HOMER2: variants seen among roughly 807,000 people sequenced by gnomAD.
The protein encoded by HOMER2 is homer protein homolog 2.
Under a neutral mutation model 47.0 loss-of-function variants are expected in HOMER2, and 27 were observed. The ratio of observed to expected loss-of-function variants is 0.57; its 90% confidence interval spans 0.42 to 0.79. The LOEUF (loss-of-function observed/expected upper bound fraction) is 0.79. Ranked by LOEUF, HOMER2 falls within the 30% of genes least tolerant of loss-of-function variation. The pLI, the probability that HOMER2 is intolerant of heterozygous loss-of-function variation, is 0.00. For synonymous variants in HOMER2, 161 were observed against 163.8 expected (o/e 0.98, Z 0.13); for missense variants, 443 against 435.0 (o/e 1.02, Z -0.16).
intron 1 of HOMER2, among the ~76,000 whole-genome samples, chr15:82,941,990 T>C (rs2151219826): frequency 6.6e-6 from 1 of 152,310 alleles, no homozygotes; most frequent in East Asian, 1.9e-4. Flanking sequence ...CCAAGGTCCC[T>C]GTTCTTGACC....
exon 2 of HOMER2, chr15:82,842,769 T>C (rs537777917): frequency 2.0e-5 from 3 of 152,282 alleles, no homozygotes; most frequent in Non-Finnish European, 4.4e-5. Flanking sequence ...AGGGTGCTTA[T>C]CCTGGCACCC....
chr15:82,895,436 T>C (rs2052877616), intron 1 of HOMER2, among the ~76,000 whole-genome samples: 1 of 152,240 alleles, frequency 6.6e-6, no homozygotes, highest in Non-Finnish European at 1.5e-5. Context: ...CCATGTGATA[T>C]AATCCAGTCT....
At chr15:82,974,722 A>G (rs928626368) in intron 1 of HOMER2, among the ~76,000 whole-genome samples, 2 of 152,206 alleles carry the variant, frequency 1.3e-5, no homozygotes, top group East Asian at 3.9e-4. Flanking sequence ...AGAGTATTCT[A>G]CAAGAGAATT....
intron 1 of HOMER2, among the ~76,000 whole-genome samples, chr15:82,976,751 C>T (rs1272147785): frequency 7.2e-6 from 1 of 139,690 alleles, no homozygotes; most frequent in Admixed American, 7.6e-5. Flanking sequence ...GTGATCTTGG[C>T]TTACTGCAAC....
At chr15:82,955,161 TTTTC>T (rs1263218619), upstream of HOMER2, among the ~76,000 whole-genome samples, 78 of 150,206 alleles carry the variant, frequency 5.2e-4, no homozygotes, top group South Asian at 1.5e-3. Context: ...TTTACTTTCT[TTTTC>T]TTTTTCTTTT....
chr15:82,914,133 G>A (rs911048294), intron 1 of HOMER2, among the ~76,000 whole-genome samples: 5 of 151,334 alleles, frequency 3.3e-5, no homozygotes, highest in African/African-American at 1.2e-4. Context: ...TCAGGAGATC[G>A]AGACCATCCT....
chr15:82,896,729 T>C (rs1390875761), intron 1 of HOMER2, among the ~76,000 whole-genome samples: 1 of 152,122 alleles, frequency 6.6e-6, no homozygotes, highest in East Asian at 1.9e-4. Context: ...CAGGGGAGGA[T>C]TGCACGGCCA....
intron 1 of HOMER2, among the ~76,000 whole-genome samples, chr15:82,917,106 C>G (rs540403319): frequency 1.3e-5 from 2 of 152,164 alleles, no homozygotes; most frequent in Non-Finnish European, 2.9e-5. Context: ...GGCCCAGAGC[C>G]CTCATTTTAC....
intron 6 of HOMER2, chr15:82,852,858 C>A (rs2051443025): frequency 6.6e-6 from 1 of 152,570 alleles, no homozygotes; most frequent in East Asian, 1.9e-4. Flanking sequence ...AATGGCAAAT[C>A]CCTACACCGC....
At chr15:82,847,864 G>A (rs1400188706), downstream of HOMER2, among the ~76,000 whole-genome samples, 1 of 152,090 alleles carries the variant, frequency 6.6e-6, no homozygotes, top group Admixed American at 6.5e-5. Flanking sequence ...TAGCCAGCTC[G>A]GCTCTCTGGT....
rs140936894 is a variant in HOMER2, at chr15:82,859,969, C to T, written c.388-834G>A. Among the ~76,000 whole-genome samples the T allele has an allele frequency of 6.8e-3, 1,034 of 152,174 alleles. 11 individuals carry two copies. Among genetic ancestry groups the T allele is most frequent in the Non-Finnish European group, 0.01 (703 of 68,012 alleles). ...TACATATGAAAAACAAAATGTCGGCCGGGCGCGGTGGCTCACACCTGTAAT... is the reference window on the plus strand; with the variant it reads ...TACATATGAAAAACAAAATGTCGGCTGGGCGCGGTGGCTCACACCTGTAAT... On this transcript the variant is annotated intron_variant, in intron 4 of 8. Transcript: ENST00000450735.
At chr15:82,871,831 G>A (rs2052184552) in intron 3 of HOMER2, among the ~76,000 whole-genome samples, 1 of 152,232 alleles carries the variant, frequency 6.6e-6, no homozygotes, top group African/African-American at 2.4e-5. Flanking sequence ...CTTGGACAAT[G>A]TGTTCTGGTT....
At chr15:82,985,807 G>T (rs1313294975) in exon 1 of HOMER2, 2 of 152,348 alleles carry the variant, frequency 1.3e-5, no homozygotes, top group Non-Finnish European at 2.9e-5. Flanking sequence ...CCAGGCAGGA[G>T]AGAAAGGTGT....
chr15:82,893,335 T>A, intron 1 of HOMER2, among the ~76,000 whole-genome samples: 1 of 148,936 alleles, frequency 6.7e-6, no homozygotes, highest in African/African-American at 2.5e-5. Context: ...TTATCTTTTT[T>A]TTTTTTTTTT....
intron 3 of HOMER2, among the ~76,000 whole-genome samples, chr15:82,874,449 C>A (rs2052278591): frequency 6.6e-6 from 1 of 152,192 alleles, no homozygotes; most frequent in Non-Finnish European, 1.5e-5. Flanking sequence ...AGGCTCTCAG[C>A]CCCTTTAAAC....
chr15:82,957,279 C>CAAAA (rs35127526), upstream of HOMER2, among the ~76,000 whole-genome samples: 1 of 72,788 alleles, frequency 1.4e-5, no homozygotes, highest in Non-Finnish European at 2.9e-5. Context: ...GACTCCGTCT[C>CAAAA]AAAAAAAAAA....
chr15:82,877,077 A>C (rs1404431004), intron 2 of HOMER2, among the ~76,000 whole-genome samples: 3 of 152,230 alleles, frequency 2.0e-5, no homozygotes, highest in Admixed American at 2.0e-4. Flanking sequence ...TGCCTCATTT[A>C]TATTAGTTCA....
At chr15:82,870,224 G>A (rs1298102813) in intron 3 of HOMER2, among the ~76,000 whole-genome samples, 3 of 152,140 alleles carry the variant, frequency 2.0e-5, no homozygotes, top group African/African-American at 4.8e-5. Flanking sequence ...TCTGGAGCAG[G>A]AAATTTCCTA....
intron 1 of HOMER2, among the ~76,000 whole-genome samples, chr15:82,919,686 C>A (rs2053678904): frequency 1.3e-5 from 2 of 152,132 alleles, no homozygotes; most frequent in African/African-American, 2.4e-5. Flanking sequence ...AAAGAACATT[C>A]TTATGACTAT....
Sources: allele counts gnomAD v4.1 joint callset (sites outside exome capture counted in the v4.1 genomes callset), GRCh38; gene constraint gnomAD v4.1.1; transcripts MANE v1.5; gene names NCBI Gene and HGNC (gene_info 2026-07-23, HGNC 2026-07-21).